The following SPATA3 variants were observed in gnomAD, a reference collection of about 807,000 sequenced individuals.
SPATA3 encodes the protein spermatogenesis associated 3, also known as spermatogenesis-associated protein 3.
A neutral mutation model predicts 5.7 loss-of-function variants in SPATA3; 6 were observed. The ratio of observed to expected loss-of-function variants is 1.06; its 90% CI spans 0.58 to 2.09. The LOEUF (loss-of-function observed/expected upper bound fraction) is 2.09, where lower values mean the gene tolerates loss of function less well. Among genes scored for constraint, SPATA3 ranks in the 30% most tolerant of loss-of-function variants. SPATA3 has a pLI of 0.00. For missense variants in SPATA3, 155 were observed against 130.4 expected (o/e 1.19, Z -0.92); for synonymous variants, 44 against 48.4 (o/e 0.91, Z 0.37).
chr2:231,011,501 G>T (rs1692787621), downstream of SPATA3, among the ~76,000 whole-genome samples: 1 of 152,152 alleles, frequency 6.6e-6, no homozygotes, highest in Admixed American at 6.6e-5. Context: ...CTGCCTGTCT[G>T]GTCTGTCCAG....
chr2:230,998,083 G>A (rs1692195787), intron 1 of SPATA3, among the ~76,000 whole-genome samples: 1 of 152,162 alleles, frequency 6.6e-6, no homozygotes. Context: ...GTCTCCACAA[G>A]AGGAAGAACA....
intron 1 of SPATA3, chr2:230,996,302 C>T (rs1258931099): frequency 2.6e-6 from 4 of 1,550,824 alleles, no homozygotes; most frequent in Non-Finnish European, 3.5e-6. Flanking sequence ...AGCATGCTAG[C>T]TCCAATTCCA....
chr2:231,005,319 TCATCACCATCATCAC>T (rs1692548311), downstream of SPATA3, among the ~76,000 whole-genome samples: 2 of 14,398 alleles, frequency 1.4e-4, no homozygotes, highest in Non-Finnish European at 3.3e-4. Flanking sequence ...ACCACCATCA[TCATCACCATCATCAC>T]CATCACCATC....
downstream of SPATA3, among the ~76,000 whole-genome samples, chr2:231,005,481 CCACCACCAT>C (rs1692575214): frequency 1.9e-5 from 1 of 53,356 alleles, no homozygotes; most frequent in African/African-American, 7.1e-5. Context: ...ATCATCACCA[CCACCACCAT>C]CACCACCATC....
At chr2:231,012,798 TG>T (rs1348207846) in intron 5 of SPATA3, 1 of 152,324 alleles carries the variant, frequency 6.6e-6, no homozygotes, top group South Asian at 2.1e-4. Context: ...CATATGTATT[TG>T]GGGATGTTGC....
exon 2 of SPATA3, chr2:231,000,510 G>C (rs762344759): frequency 1.3e-6 from 2 of 1,545,534 alleles, no homozygotes; most frequent in South Asian, 2.4e-5. Flanking sequence ...CCAGGGAGAG[G>C]ACTCCCCAAC....
At chr2:231,001,303 C>G (rs1476025420) in intron 2 of SPATA3, among the ~76,000 whole-genome samples, 2 of 152,142 alleles carry the variant, frequency 1.3e-5, no homozygotes, top group African/African-American at 4.8e-5. Context: ...GGAGAGGGGT[C>G]GCCATCTGCC....
intron 1 of SPATA3, among the ~76,000 whole-genome samples, chr2:231,000,085 G>A (rs1692287216): frequency 6.6e-6 from 1 of 152,126 alleles, no homozygotes; most frequent in Non-Finnish European, 1.5e-5. Flanking sequence ...TGTTGTCGTC[G>A]CTGTTGCTAC....
chr2:231,011,272 A>G (rs1418310842), downstream of SPATA3, among the ~76,000 whole-genome samples: 1 of 151,776 alleles, frequency 6.6e-6, no homozygotes, highest in East Asian at 1.9e-4. Context: ...ACGCCACCAC[A>G]TCTGGCTAAT....
chr2:231,014,277 A>G (rs1692870449), intron 6 of SPATA3: 1 of 152,242 alleles, frequency 6.6e-6, no homozygotes, highest in South Asian at 2.1e-4. Context: ...CAATGCTAAT[A>G]GCCTGTCACA....
At chr2:231,000,311 GC>G in intron 1 of SPATA3, 54 bp from the exon 2 acceptor site, 1 of 1,386,794 alleles carries the variant, frequency 7.2e-7, no homozygotes, top group Non-Finnish European at 9.5e-7. Context: ...AGACTCCCCC[GC>G]CCCAGCCTCC....
chr2:230,998,092 C>T (rs908086169), intron 1 of SPATA3, among the ~76,000 whole-genome samples: 4 of 152,190 alleles, frequency 2.6e-5, no homozygotes, highest in Non-Finnish European at 4.4e-5. Flanking sequence ...AGAGGAAGAA[C>T]ATCTCTGTCC....
chr2:231,010,443 G>T (rs965748997), downstream of SPATA3, among the ~76,000 whole-genome samples: 1 of 152,188 alleles, frequency 6.6e-6, no homozygotes, highest in African/African-American at 2.4e-5. Flanking sequence ...CTGGAATGGG[G>T]GTCTTATGAC....
At chr2:231,000,184 G>T (rs1692291344) in intron 1 of SPATA3, among the ~76,000 whole-genome samples, 182 bp from the exon 2 acceptor site, 1 of 152,162 alleles carries the variant, frequency 6.6e-6, no homozygotes, top group South Asian at 2.1e-4. Context: ...TGGGAGAACT[G>T]CCTTCCTTAG....
At chr2:231,000,598 C>T in intron 2 of SPATA3, 61 bp downstream of exon 2, 1 of 1,367,880 alleles carries the variant, frequency 7.3e-7, no homozygotes. Flanking sequence ...GGCTCTGCCC[C>T]CAGACCTTAT....
chr2:231,010,753 C>T (rs988004456), downstream of SPATA3, among the ~76,000 whole-genome samples: 11 of 151,948 alleles, frequency 7.2e-5, no homozygotes, highest in African/African-American at 2.7e-4. Context: ...AGCTCAGACC[C>T]TGGCTCTGAA....
At position 231,002,675 on chromosome 2, in the gene SPATA3, G is replaced by C; in HGVS notation, c.963-9G>C. 6.7e-7 allele frequency: 1 copy of C among 1,491,862 alleles called. No individual in the cohort carries two copies. The highest frequency in any genetic ancestry group is 9.0e-7 in the Non-Finnish European group (1 of 1,115,658). The allele number at this position is 1,491,862 out of a possible 1,614,324, so 92.4% of individuals were successfully genotyped here. On this transcript the variant is annotated splice_polypyrimidine_tract_variant and intron_variant, in intron 2 of 2. Coordinates refer to ENST00000645363, the Ensembl canonical transcript of SPATA3. ...TTCCCACCACCCCCACTTCTGCTTTGCTCTACAGAAAATCTTCAAGAAAAC... is the reference window on the plus strand; with the variant it reads ...TTCCCACCACCCCCACTTCTGCTTTCCTCTACAGAAAATCTTCAAGAAAAC...
At chr2:231,005,157 CCAT>C (rs1559197398), downstream of SPATA3, among the ~76,000 whole-genome samples, 1 of 108,620 alleles carries the variant, frequency 9.2e-6, no homozygotes, top group African/African-American at 3.8e-5. Flanking sequence ...ATCACCATCA[CCAT>C]CACCATCATC....
chr2:231,011,439 A>G (rs570629485), downstream of SPATA3, among the ~76,000 whole-genome samples: 1 of 152,276 alleles, frequency 6.6e-6, no homozygotes, highest in South Asian at 2.1e-4. Flanking sequence ...GTCCCTGTAT[A>G]GTGATCCATC....
Sources: gnomAD v4.1 joint callset for allele counts (sites outside exome capture counted in the v4.1 genomes callset) on GRCh38, gnomAD v4.1.1 for gene constraint, MANE v1.5 for transcripts, NCBI Gene and HGNC (gene_info 2026-07-23, HGNC 2026-07-21) for gene names.